Variants in TMTC1 observed in about 807,000 individuals in gnomAD.
TMTC1 encodes the protein protein O-mannosyl-transferase TMTC1.
TMTC1 carries 73 observed loss-of-function variants against 104.8 expected under a neutral mutation model. That is an observed-to-expected ratio of 0.70 (90% CI 0.58 to 0.85). TMTC1 has a LOEUF of 0.85. TMTC1 is among the 40% of genes least tolerant of loss of function. The pLI is 0.00. For missense variants in TMTC1, 1,035 were observed against 1,096.1 expected (o/e 0.94, Z 0.79); for synonymous variants, 434 against 428.7 (o/e 1.01, Z -0.15).
At chr12:29,659,981 C>G (rs897079681) in intron 5 of TMTC1, 14 of 1,534,246 alleles carry the variant, frequency 9.1e-6, no homozygotes, top group Non-Finnish European at 1.2e-5. Context: ...AAATGACAAG[C>G]ACCTTCAGAA....
At chr12:29,646,923 G>A (rs1438069261) in intron 5 of TMTC1, among the ~76,000 whole-genome samples, 1 of 152,164 alleles carries the variant, frequency 6.6e-6, no homozygotes, top group Non-Finnish European at 1.5e-5. Flanking sequence ...ATGAATCAGA[G>A]AATCTTTATA....
At chr12:29,608,640 A>G (rs1946765015) in intron 6 of TMTC1, among the ~76,000 whole-genome samples, 1 of 152,202 alleles carries the variant, frequency 6.6e-6, no homozygotes, top group South Asian at 2.1e-4. Context: ...TCGCTATTAT[A>G]GGTGTTAGGT....
At chr12:29,568,020 T>G (rs922970835) in intron 9 of TMTC1, among the ~76,000 whole-genome samples, 2 of 152,220 alleles carry the variant, frequency 1.3e-5, no homozygotes, top group South Asian at 2.1e-4. Context: ...ATACATGTAC[T>G]GCAGCCTAAT....
At chr12:29,733,761 A>T (rs1312294518) in intron 5 of TMTC1, among the ~76,000 whole-genome samples, 1 of 152,110 alleles carries the variant, frequency 6.6e-6, no homozygotes, top group Non-Finnish European at 1.5e-5. Context: ...TTCACTCATC[A>T]GTCTTTCTCT....
chr12:29,771,118 T>C (rs940656438), intron 1 of TMTC1, among the ~76,000 whole-genome samples: 27 of 152,164 alleles, frequency 1.8e-4, no homozygotes, highest in African/African-American at 6.0e-4. Flanking sequence ...TTCTGTCCAA[T>C]ATTTTTATCA....
chr12:29,695,148 T>C (rs1941380330), intron 5 of TMTC1, among the ~76,000 whole-genome samples: 1 of 152,144 alleles, frequency 6.6e-6, no homozygotes, highest in Non-Finnish European at 1.5e-5. Context: ...TGTCTTCACA[T>C]TGCCTTCTCC....
intron 10 of TMTC1, among the ~76,000 whole-genome samples, chr12:29,545,145 G>GTT: frequency 6.7e-6 from 1 of 150,060 alleles, no homozygotes; most frequent in South Asian, 2.1e-4. Context: ...TCACAGATGG[G>GTT]TTTTTTTTTT....
chr12:29,672,892 T>C (rs1247681498), intron 5 of TMTC1, among the ~76,000 whole-genome samples: 7 of 152,130 alleles, frequency 4.6e-5, no homozygotes, highest in African/African-American at 1.7e-4. Context: ...GTAAACAATG[T>C]AGAGAAAAAG....
intron 5 of TMTC1, among the ~76,000 whole-genome samples, chr12:29,723,156 A>C (rs1942287066): frequency 6.6e-6 from 1 of 152,092 alleles, no homozygotes; most frequent in Non-Finnish European, 1.5e-5. Flanking sequence ...GACACTAAAG[A>C]AGCTCAATAG....
chr12:29,606,737 G>C (rs374172367), intron 6 of TMTC1, among the ~76,000 whole-genome samples: 1 of 152,098 alleles, frequency 6.6e-6, no homozygotes, highest in Non-Finnish European at 1.5e-5. Context: ...GCCACCCCAC[G>C]GCCCCTCATC....
At chr12:29,663,320 G>A (rs763133719) in intron 5 of TMTC1, among the ~76,000 whole-genome samples, 1 of 152,160 alleles carries the variant, frequency 6.6e-6, no homozygotes, top group Non-Finnish European at 1.5e-5. Context: ...CAGTGGAAAT[G>A]GAAAAGGTGC....
rs550464135 is a variant in TMTC1 at position 29,550,758 on chromosome 12, C to T, written c.1676+6099G>A. On this transcript the variant is annotated intron_variant, in intron 10 of 17. Coordinates refer to ENST00000539277, the MANE Select transcript of TMTC1 (RefSeq NM_001193451.2). ...GAAGAGCGCAGCATAGTTTGGTGAG[C>T]AATGGAGAGTCACTGCCCTGGTGCT... Among the ~76,000 whole-genome samples the T allele has an allele frequency of 4.6e-5, 7 of 151,954 alleles. No individual in the cohort carries two copies. The South Asian group carries it at 1.2e-3, about 27-fold the overall frequency.
chr12:29,505,348 G>A lies in TMTC1; in HGVS notation c.*1498C>T, dbSNP rs1283434274. Reference sequence around the variant, plus strand: ...TAAACAGTACTGCCTGGAGTGTTTTGGTTTTGTCTCTAATGATGAAGACCA... The same window carrying A: ...TAAACAGTACTGCCTGGAGTGTTTTAGTTTTGTCTCTAATGATGAAGACCA... On this transcript the variant is annotated 3_prime_UTR_variant, in exon 18 of 18. Transcript: ENST00000539277. The A allele has an allele frequency of 6.6e-6, 1 of 152,054 alleles. No individual in the cohort carries two copies. The highest frequency in any genetic ancestry group is 1.5e-5 in the Non-Finnish European group (1 of 68,012). The allele number at this position is 152,054 out of a possible 1,614,324, so 9.4% of individuals were successfully genotyped here. A position where few individuals can be genotyped will look rare whatever the true frequency, so the allele number is the denominator to read the frequency against.
intron 6 of TMTC1, among the ~76,000 whole-genome samples, chr12:29,628,521 T>A (rs1257434442): frequency 1.3e-5 from 2 of 152,186 alleles, no homozygotes; most frequent in African/African-American, 4.8e-5. Flanking sequence ...CCTCATTATA[T>A]CCCACCAGCA....
chr12:29,568,453 T>C (rs775973960), intron 9 of TMTC1, among the ~76,000 whole-genome samples: 47 of 152,198 alleles, frequency 3.1e-4, no homozygotes, highest in Non-Finnish European at 4.7e-4. Context: ...CAAATTACAT[T>C]GCAAATCTCT....
At chr12:29,545,676 CGGAT>C (rs1944925288) in intron 10 of TMTC1, among the ~76,000 whole-genome samples, 3 of 137,844 alleles carry the variant, frequency 2.2e-5, no homozygotes, top group East Asian at 2.1e-4. Context: ...CACACACACA[CGGAT>C]AGAAACTAAG....
intron 7 of TMTC1, among the ~76,000 whole-genome samples, chr12:29,586,681 T>C (rs1592276020): frequency 6.7e-6 from 1 of 150,336 alleles, no homozygotes. Context: ...TTTCTGCATC[T>C]ATTGAGATAA....
chr12:29,716,916 G>A (rs1290200426), intron 5 of TMTC1, among the ~76,000 whole-genome samples: 1 of 152,116 alleles, frequency 6.6e-6, no homozygotes, highest in Admixed American at 6.5e-5. Context: ...TTGGGAGGCT[G>A]AGGCAGGAGA....
At chr12:29,665,292 T>A (rs1274330895) in intron 5 of TMTC1, among the ~76,000 whole-genome samples, 1 of 152,218 alleles carries the variant, frequency 6.6e-6, no homozygotes, top group East Asian at 1.9e-4. Flanking sequence ...GCATCAAGGT[T>A]ATTGGCATTG....
Sources: allele counts gnomAD v4.1 joint callset (sites outside exome capture counted in the v4.1 genomes callset), GRCh38; gene constraint gnomAD v4.1.1; transcripts MANE v1.5; gene names NCBI Gene and HGNC (gene_info 2026-07-23, HGNC 2026-07-21).